SLC5A3: variants seen among roughly 807,000 people sequenced by gnomAD.
SLC5A3 encodes solute carrier family 5 member 3.
Under a neutral mutation model 43.2 loss-of-function variants are expected in SLC5A3, and 10 were observed. That is an observed-to-expected ratio of 0.23 (90% confidence interval 0.14 to 0.39). The LOEUF is 0.39. Among genes scored for constraint, SLC5A3 ranks in the 10% least tolerant of loss-of-function variants. The pLI, the probability that SLC5A3 is intolerant of heterozygous loss-of-function variation, is 1.00. For missense variants in SLC5A3, 608 were observed against 893.4 expected (o/e 0.68, Z 4.07); for synonymous variants, 349 against 322.0 (o/e 1.08, Z -0.90).
In SLC5A3 at chr21:34,096,874, C is replaced by T. The variant is rs1391329927; in HGVS notation, c.1676C>T (p.Ser559Phe). The change falls in exon 2 of 2, where the codon TCC becomes TTC. Residue 559 changes from serine to phenylalanine, a missense_variant. By Grantham distance (155) the Ser-to-Phe change is radical. Transcript: ENST00000381151. This position sits in a 1 kb window ranked among gnomAD's most constrained non-coding sequence, Gnocchi z 5.9. ...AACCTGGTGGTGAAGGAGAACTGCT[C>T]CCCAAAAGAGGAACCATACAAAATG... ...KKNLVVKENC[S>F]PKEEPYKMQE... 1.9e-6 allele frequency: 3 copies of T among 1,613,968 alleles called. No individual in the cohort carries two copies. The highest frequency in any genetic ancestry group is 1.3e-5 in the African/African-American group (1 of 74,904).
chr21:34,097,561 A>C lies in SLC5A3; in HGVS notation c.*206A>C. On this transcript the variant is annotated 3_prime_UTR_variant, in exon 2 of 2. Coordinates refer to ENST00000381151, the MANE Select transcript of SLC5A3 (RefSeq NM_006933.7). Reference sequence around the variant, plus strand: ...TTCAACTTAAGTGAAGCCAAACCTAACAGACTGAATTGTGCAAATGTGGTT... The same window carrying C: ...TTCAACTTAAGTGAAGCCAAACCTACCAGACTGAATTGTGCAAATGTGGTT... The C allele has an allele frequency of 7.4e-7, 1 of 1,350,810 alleles. No homozygotes were observed. 83.7% of individuals were successfully genotyped at this position (1,350,810 alleles called of 1,614,324 possible). A position where few individuals can be genotyped will look rare whatever the true frequency, so the allele number is the denominator to read the frequency against.
chr21:34,104,692 C>CT lies in SLC5A3; in HGVS notation c.*7338dup, dbSNP rs1342943622. Reference sequence around the variant, plus strand: ...TATTTGAGAATATCAAACCTCAGGCCTGGGGGGATGAGGGGAAGAAGATTA... The same window carrying CT: ...TATTTGAGAATATCAAACCTCAGGCCTTGGGGGGATGAGGGGAAGAAGATTA... On this transcript the variant is annotated 3_prime_UTR_variant, in exon 2 of 2. Transcript: ENST00000381151. 3.0e-6 allele frequency: 3 copies of CT among 1,000,106 alleles called. No individual in the cohort carries two copies. In the African/African-American group the frequency reaches 5.2e-5, roughly 17 times the overall value. The allele number at this position is 1,000,106 out of a possible 1,614,324, so 62.0% of individuals were successfully genotyped here. A position where few individuals can be genotyped will look rare whatever the true frequency, so the allele number is the denominator to read the frequency against.
In SLC5A3 at chr21:34,104,185, C is replaced by G. The variant is rs980348622; in HGVS notation, c.*6830C>G. 3.0e-6 allele frequency: 3 copies of G among 999,840 alleles called. No individual in the cohort carries two copies. The highest frequency in any genetic ancestry group is 3.6e-6 in the Non-Finnish European group (3 of 829,916). 61.9% of individuals were successfully genotyped at this position (999,840 alleles called of 1,614,324 possible). The stretch of plus-strand genomic sequence containing the variant: ...TAAAGGATAATTTGATCTGAGTGTT[C>G]TGAGCATCAGACTAATTCTGAAGCA... On this transcript the variant is annotated 3_prime_UTR_variant, in exon 2 of 2. Coordinates refer to ENST00000381151, the MANE Select transcript of SLC5A3 (RefSeq NM_006933.7).
chr21:34,097,145 T>A lies in SLC5A3; in HGVS notation c.1947T>A (p.Asp649Glu), dbSNP rs1320102524. 1 of 1,613,860 alleles carries A rather than the reference T, an allele frequency of 6.2e-7. No individual in the cohort carries two copies. Among genetic ancestry groups the A allele is most frequent in the African/African-American group, 1.3e-5 (1 of 74,866 alleles). The part of the protein sequence containing the change: ...MGEKERKKET[D>E]DGGRYWKFID... ...AGAAAGAGAGAAAGAAAGAAACGGA[T>A]GATGGAGGTCGGTACTGGAAGTTCA... Residue 649 changes from aspartate (D) to glutamate (E), a missense_variant, in exon 2 of 2, where the codon GAT (aspartate) becomes GAA (glutamate). Physicochemically the swap from Asp to Glu is conservative, Grantham distance 45 (BLOSUM62 2). Coordinates refer to ENST00000381151, the MANE Select transcript of SLC5A3 (RefSeq NM_006933.7).
intron 1 of SLC5A3, among the ~76,000 whole-genome samples, chr21:34,074,617 G>A (rs1989280151): frequency 6.6e-6 from 1 of 152,230 alleles, no homozygotes; most frequent in South Asian, 2.1e-4. Context: ...TCAAGTCGTC[G>A]CCGAAATCCC....
chr21:34,098,764 G>A lies in SLC5A3; in HGVS notation c.*1409G>A, dbSNP rs1979092062. The A allele has an allele frequency of 1.0e-6, 1 of 1,000,206 alleles. No individual in the cohort carries two copies. The highest frequency in any genetic ancestry group is 1.7e-5 in the African/African-American group (1 of 57,354). The allele number at this position is 1,000,206 out of a possible 1,614,324, so 62.0% of individuals were successfully genotyped here. A position where few individuals can be genotyped will look rare whatever the true frequency, so the allele number is the denominator to read the frequency against. On this transcript the variant is annotated 3_prime_UTR_variant, in exon 2 of 2. Transcript: ENST00000381151. The stretch of plus-strand genomic sequence containing the variant: ...CACCCACTTGCAGCTAGTGGGTACA[G>A]GGTACAAAAGATGTTAGAGAAAAGC...
chr21:34,104,081 A>T lies in SLC5A3; in HGVS notation c.*6726A>T. ...ACAGGGCAAATACTACTTGTCTTTG[A>T]TTTTTTTTGTGTACGTTTGTATGTG... On this transcript the variant is annotated 3_prime_UTR_variant, in exon 2 of 2. Transcript: ENST00000381151. 1.0e-6 allele frequency: 1 copy of T among 999,704 alleles called. No homozygotes were observed. The highest frequency in any genetic ancestry group is 4.7e-5 in the South Asian group (1 of 21,270). The allele number at this position is 999,704 out of a possible 1,614,324, so 61.9% of individuals were successfully genotyped here. A position where few individuals can be genotyped will look rare whatever the true frequency, so the allele number is the denominator to read the frequency against.
At chr21:34,092,861 T>A (rs1458321851) in intron 1 of SLC5A3, among the ~76,000 whole-genome samples, 2 of 152,178 alleles carry the variant, frequency 1.3e-5, no homozygotes, top group Non-Finnish European at 2.9e-5. Flanking sequence ...GGAAGAGTGA[T>A]ACCTGATTAG....
At chr21:34,081,276 G>A (rs1989452743) in intron 1 of SLC5A3, among the ~76,000 whole-genome samples, 1 of 152,014 alleles carries the variant, frequency 6.6e-6, no homozygotes, top group South Asian at 2.1e-4. Context: ...AATCATCAGG[G>A]AACTCCAGGT....
chr21:34,094,490 G>A (rs958237728), intron 1 of SLC5A3, among the ~76,000 whole-genome samples: 3 of 152,052 alleles, frequency 2.0e-5, no homozygotes, highest in Admixed American at 6.5e-5. Flanking sequence ...CCCTTATTAC[G>A]AATATAATTA....
intron 1 of SLC5A3, among the ~76,000 whole-genome samples, chr21:34,091,934 A>AT (rs34740942): frequency 1 from 152,252 of 152,252 alleles, 76,126 homozygotes; most frequent in Non-Finnish European, 1. Flanking sequence ...TTGTCTTATA[A>AT]TTTTACTTGA....
Position 34,103,299 on chromosome 21 carries a change from T to TA in SLC5A3, c.*5946dup. On this transcript the variant is annotated 3_prime_UTR_variant, in exon 2 of 2. Coordinates refer to ENST00000381151, the MANE Select transcript of SLC5A3 (RefSeq NM_006933.7). Reference sequence around the variant, plus strand: ...TTGTTATTCCTCTTAAATTTTGTCGTAACTAGTGAAGGAAGTAAAAAAAAA... The same window carrying TA: ...TTGTTATTCCTCTTAAATTTTGTCGTAAACTAGTGAAGGAAGTAAAAAAAAA... The TA allele has an allele frequency of 2.0e-6, 2 of 976,760 alleles. No homozygotes were observed. Among genetic ancestry groups the TA allele is most frequent in the Non-Finnish European group, 2.4e-6 (2 of 819,276 alleles). The allele number at this position is 976,760 out of a possible 1,614,324, so 60.5% of individuals were successfully genotyped here. A position where few individuals can be genotyped will look rare whatever the true frequency, so the allele number is the denominator to read the frequency against.
intron 1 of SLC5A3, among the ~76,000 whole-genome samples, chr21:34,093,062 A>G (rs1978786342): frequency 6.6e-6 from 1 of 152,204 alleles, no homozygotes; most frequent in Non-Finnish European, 1.5e-5. Context: ...TTTTTAAATA[A>G]TGTTTACTAG....
In SLC5A3 at chr21:34,097,694, A is replaced by C. The variant is rs893688701; in HGVS notation, c.*339A>C. On this transcript the variant is annotated 3_prime_UTR_variant, in exon 2 of 2. Transcript: ENST00000381151. ...ATTAAGGTATACTGTCTGCACTGCC[A>C]AGTCTTGGCAGACCTTACCCTGAAG... 10 of 1,021,436 alleles carry C rather than the reference A, an allele frequency of 9.8e-6. No homozygotes were observed. Among genetic ancestry groups the C allele is most frequent in the African/African-American group, 1.7e-5 (1 of 57,944 alleles). The allele number at this position is 1,021,436 out of a possible 1,614,324, so 63.3% of individuals were successfully genotyped here.
chr21:34,075,179 A>G (rs760037637), intron 1 of SLC5A3, among the ~76,000 whole-genome samples: 4 of 152,232 alleles, frequency 2.6e-5, no homozygotes, highest in Non-Finnish European at 5.9e-5. Flanking sequence ...GTTTTAGGGA[A>G]TGTGGAACCT....
rs1478013620 is a variant in SLC5A3, at chr21:34,098,239, G to T, written c.*884G>T. On this transcript the variant is annotated 3_prime_UTR_variant, in exon 2 of 2. Coordinates refer to ENST00000381151, the MANE Select transcript of SLC5A3 (RefSeq NM_006933.7). ...AATCAGATGATTACTCATATATTCT[G>T]CTAATTTTCTAGCTTTATTCTTGTT... 2 of 999,312 alleles carry T rather than the reference G, an allele frequency of 2.0e-6. No individual in the cohort carries two copies. Among genetic ancestry groups the T allele is most frequent in the Non-Finnish European group, 2.4e-6 (2 of 829,452 alleles). 61.9% of individuals were successfully genotyped at this position (999,312 alleles called of 1,614,324 possible).
rs1377259352 is a variant in SLC5A3, at chr21:34,099,464, A to AT, written c.*2114dup. ...GTTTGGGAAAGTAATAAGATCTTGG[A>AT]TTTTTCAAATTAACATTAAGTTGTA... On this transcript the variant is annotated 3_prime_UTR_variant, in exon 2 of 2. Coordinates refer to ENST00000381151, the MANE Select transcript of SLC5A3 (RefSeq NM_006933.7). 1 of 999,892 alleles carries AT rather than the reference A, an allele frequency of 1.0e-6. No homozygotes were observed. The highest frequency in any genetic ancestry group is 1.2e-6 in the Non-Finnish European group (1 of 829,916). The allele number at this position is 999,892 out of a possible 1,614,324, so 61.9% of individuals were successfully genotyped here. A position where few individuals can be genotyped will look rare whatever the true frequency, so the allele number is the denominator to read the frequency against.
rs1016327545 is a variant in SLC5A3 at position 34,099,143 on chromosome 21, T to C, written c.*1788T>C. ...CTGAGTCTGTAAATGAAAAAATAAT[T>C]TATGTATGAATAGCATGTATTTCTG... On this transcript the variant is annotated 3_prime_UTR_variant, in exon 2 of 2. Coordinates refer to ENST00000381151, the MANE Select transcript of SLC5A3 (RefSeq NM_006933.7). 3.0e-6 allele frequency: 3 copies of C among 999,372 alleles called. No individual in the cohort carries two copies. In the African/African-American group the frequency reaches 5.2e-5, roughly 17 times the overall value. 61.9% of individuals were successfully genotyped at this position (999,372 alleles called of 1,614,324 possible).
chr21:34,105,034 A>G lies in SLC5A3; in HGVS notation c.*7679A>G. 2 of 1,000,120 alleles carry G rather than the reference A, an allele frequency of 2.0e-6. No individual in the cohort carries two copies. Among genetic ancestry groups the G allele is most frequent in the South Asian group, 9.4e-5 (2 of 21,284 alleles). 62.0% of individuals were successfully genotyped at this position (1,000,120 alleles called of 1,614,324 possible). ...TCTCTAACTTTTGAGTGGCAAACAG[A>G]TCAAGTCTTTTGCTCATAGACTTTT... On this transcript the variant is annotated 3_prime_UTR_variant, in exon 2 of 2. Transcript: ENST00000381151.
Sources: gnomAD v4.1 joint callset for allele counts (sites outside exome capture counted in the v4.1 genomes callset) on GRCh38, gnomAD v4.1.1 for gene constraint, Gnocchi (gnomAD v3.1) non-coding constraint, MANE v1.5 for transcripts, NCBI Gene and HGNC (gene_info 2026-07-23, HGNC 2026-07-21) for gene names.